The following DENND1A variants were observed in gnomAD, a reference collection of about 807,000 sequenced individuals.
The protein encoded by DENND1A is DENN domain containing 1A, also known as DENN domain-containing protein 1A.
A neutral mutation model predicts 113.7 loss-of-function variants in DENND1A; 51 were observed. The observed-to-expected ratio is 0.45, with a 90% CI of 0.36 to 0.57. The LOEUF is 0.57. Among genes scored for constraint, DENND1A ranks in the 20% least tolerant of loss-of-function variants. The pLI, the probability that DENND1A is intolerant of heterozygous loss-of-function variation, is 0.00. For synonymous variants in DENND1A, 565 were observed against 570.8 expected, an observed-to-expected ratio of 0.99 and a Z score of 0.14; for missense variants, 1,258 against 1,395.9, an observed-to-expected ratio of 0.90 and a Z score of 1.57.
intron 19 of DENND1A, among the ~76,000 whole-genome samples, chr9:123,436,462 C>T (rs2046527089): frequency 6.6e-6 from 1 of 152,250 alleles, no homozygotes; most frequent in Admixed American, 6.5e-5. Context: ...TCAATAAACA[C>T]AGCTGGCACT....
At chr9:123,754,188 G>T (rs558881084) in intron 5 of DENND1A, among the ~76,000 whole-genome samples, 1 of 152,332 alleles carries the variant, frequency 6.6e-6, no homozygotes, top group East Asian at 1.9e-4. Flanking sequence ...GAAGCAAGGA[G>T]ACTGAGCAGC....
chr9:123,409,953 A>G (rs541665834), intron 20 of DENND1A, among the ~76,000 whole-genome samples: 1 of 152,160 alleles, frequency 6.6e-6, no homozygotes, highest in Non-Finnish European at 1.5e-5. Flanking sequence ...TTAGCCGTGC[A>G]TGGTGGCGGG....
intron 5 of DENND1A, among the ~76,000 whole-genome samples, chr9:123,753,063 G>C (rs1191445398): frequency 6.6e-6 from 1 of 152,178 alleles, no homozygotes. Flanking sequence ...GGTACGACTA[G>C]GTTTCTGCCA....
intron 13 of DENND1A, among the ~76,000 whole-genome samples, chr9:123,476,971 C>T (rs1173626789): frequency 3.3e-5 from 5 of 152,162 alleles, no homozygotes; most frequent in Non-Finnish European, 5.9e-5. Context: ...CCAGATAGAA[C>T]CTTCCAGGGT....
chr9:123,572,800 A>G (rs775983194), intron 12 of DENND1A, among the ~76,000 whole-genome samples: 4 of 152,036 alleles, frequency 2.6e-5, no homozygotes, highest in Non-Finnish European at 4.4e-5. Flanking sequence ...TTTACCTTTC[A>G]TGACATCCAA....
At chr9:123,650,086 G>T (rs1187308311) in intron 9 of DENND1A, among the ~76,000 whole-genome samples, 1 of 152,124 alleles carries the variant, frequency 6.6e-6, no homozygotes, top group Non-Finnish European at 1.5e-5. Flanking sequence ...ACAGTAACTG[G>T]TTATGGACTA....
chr9:123,383,770 A>G lies in DENND1A; in HGVS notation c.1904T>C (p.Val635Ala). The change falls in exon 23 of 24, where the codon GTC becomes GCC. Residue 635 changes from valine (V) to alanine (A), a missense_variant. Coordinates refer to ENST00000394215, the MANE Select transcript of DENND1A (RefSeq NM_001352964.2). The part of the protein sequence containing the change: ...RAASIDLLED[V>A]FSNLDMEAAL... ...GGCCTCCATGTCCAGGTTGCTGAAG[A>G]CGTCTTCCAGAAGGTCGATGCTGGC... The G allele has an allele frequency of 1.2e-6, 2 of 1,614,102 alleles. No homozygotes were observed. The highest frequency in any genetic ancestry group is 1.7e-6 in the Non-Finnish European group (2 of 1,180,030).
At chr9:123,523,298 C>T (rs1160316543) in intron 13 of DENND1A, among the ~76,000 whole-genome samples, 3 of 152,198 alleles carry the variant, frequency 2.0e-5, no homozygotes, top group African/African-American at 7.2e-5. Context: ...GTGCTCTGCT[C>T]AGCGCTCCAC....
chr9:123,423,944 C>T (rs1414953810), intron 19 of DENND1A, among the ~76,000 whole-genome samples: 1 of 152,204 alleles, frequency 6.6e-6, no homozygotes, highest in Non-Finnish European at 1.5e-5. Context: ...TACTGTACAT[C>T]ATCCTTGGTG....
intron 13 of DENND1A, 96 bp downstream of exon 13, chr9:123,557,474 G>C: frequency 6.5e-7 from 1 of 1,533,596 alleles, no homozygotes; most frequent in Non-Finnish European, 8.8e-7. Context: ...AGATGAATCT[G>C]GAAACCAGAA....
chr9:123,457,885 T>G lies in DENND1A; in HGVS notation c.1006A>C (p.Thr336Pro). 1 of 1,611,040 alleles carries G rather than the reference T, an allele frequency of 6.2e-7. No individual in the cohort carries two copies. Residue 336 changes from threonine to proline, a missense_variant, in exon 14 of 24, where the codon ACT becomes CCT. Around this residue, in one of 2 missense-constraint regions of DENND1A, gnomAD observed 1,159 missense variants for 1,231.7 expected, o/e 0.94. Transcript: ENST00000394215. Reference sequence around the variant, plus strand: ...GACACGAAGGCTTCCTCACAGAAAGTGATCGGCTCCTCCTGGGAAGTGCAG... The same window carrying G: ...GACACGAAGGCTTCCTCACAGAAAGGGATCGGCTCCTCCTGGGAAGTGCAG... ...ALKIEPEEPI[T>P]FCEEAFVSHY...
chr9:123,467,289 G>A (rs776485294), intron 13 of DENND1A, among the ~76,000 whole-genome samples: 2 of 152,048 alleles, frequency 1.3e-5, no homozygotes, highest in African/African-American at 4.8e-5. Context: ...TTGGGATGGC[G>A]AGGCCCCATG....
At chr9:123,473,489 C>A (rs1433647158) in intron 13 of DENND1A, among the ~76,000 whole-genome samples, 1 of 152,102 alleles carries the variant, frequency 6.6e-6, no homozygotes, top group Non-Finnish European at 1.5e-5. Flanking sequence ...CCAGATGCAC[C>A]CCTAACATAT....
At chr9:123,770,459 A>G (rs1320793416) in intron 3 of DENND1A, among the ~76,000 whole-genome samples, 1 of 152,218 alleles carries the variant, frequency 6.6e-6, no homozygotes. Flanking sequence ...CACATTTCAT[A>G]TATATAGCAC....
intron 8 of DENND1A, among the ~76,000 whole-genome samples, chr9:123,660,988 A>G (rs981327290): frequency 2.0e-5 from 3 of 152,236 alleles, no homozygotes; most frequent in African/African-American, 7.2e-5. Flanking sequence ...ATATCCTACG[A>G]TGTATAAAAC....
chr9:123,593,382 C>T (rs1043498042), intron 11 of DENND1A, among the ~76,000 whole-genome samples: 1 of 152,106 alleles, frequency 6.6e-6, no homozygotes, highest in East Asian at 1.9e-4. Flanking sequence ...TAAGCATCAT[C>T]TACTCTCATG....
intron 1 of DENND1A, among the ~76,000 whole-genome samples, chr9:123,888,182 G>A (rs1292033143): frequency 1.3e-5 from 2 of 152,048 alleles, no homozygotes; most frequent in South Asian, 2.1e-4. Context: ...AACATTTTTT[G>A]TGCCAGGAAG....
intron 13 of DENND1A, among the ~76,000 whole-genome samples, chr9:123,511,432 G>C (rs1037314610): frequency 1.3e-5 from 2 of 152,242 alleles, no homozygotes; most frequent in African/African-American, 4.8e-5. Flanking sequence ...TGTTGCACGG[G>C]ACTAGACTGT....
chr9:123,737,204 C>T (rs1273469524), intron 5 of DENND1A, among the ~76,000 whole-genome samples: 1 of 151,946 alleles, frequency 6.6e-6, no homozygotes, highest in East Asian at 1.9e-4. Flanking sequence ...TGTTGTTGTA[C>T]TTGTTTAAGA....
Sources: allele counts gnomAD v4.1 joint callset (sites outside exome capture counted in the v4.1 genomes callset), GRCh38; gene constraint gnomAD v4.1.1; regional missense constraint gnomAD v4.1.1; transcripts MANE v1.5; gene names NCBI Gene and HGNC (gene_info 2026-07-23, HGNC 2026-07-21).